The following ATP2C2 variants were observed in gnomAD, a reference collection of about 807,000 sequenced individuals.
ATP2C2 encodes the protein ATPase secretory pathway Ca2+ transporting 2, also known as calcium-transporting ATPase type 2C member 2.
ATP2C2 carries 171 observed loss-of-function variants against 110.8 expected under a neutral mutation model. That is an observed-to-expected ratio of 1.54 (90% CI 1.36 to 1.75). The LOEUF is 1.75. ATP2C2 is among the 40% of genes most tolerant of loss of function. The pLI is 0.00. For synonymous variants in ATP2C2, 804 were observed against 508.4 expected, an observed-to-expected ratio of 1.58 and a Z score of -7.82; for missense variants, 1,963 against 1,235.0, an observed-to-expected ratio of 1.59 and a Z score of -8.84.
chr16:84,417,447 C>A (rs1029390871), intron 7 of ATP2C2, among the ~76,000 whole-genome samples: 1 of 152,168 alleles, frequency 6.6e-6, no homozygotes, highest in Non-Finnish European at 1.5e-5. Flanking sequence ...TTAGCACATG[C>A]CTTTTGTGGG....
rs1424939713 is a variant in ATP2C2, at chr16:84,405,122, T to C, written c.211-6T>C. 6.2e-7 allele frequency: 1 copy of C among 1,612,636 alleles called. No individual in the cohort carries two copies. Among genetic ancestry groups the C allele is most frequent in the African/African-American group, 1.3e-5 (1 of 74,792 alleles). On this transcript the variant is annotated splice_polypyrimidine_tract_variant and splice_region_variant and intron_variant, in intron 2 of 26. Coordinates refer to ENST00000262429, the MANE Select transcript of ATP2C2 (RefSeq NM_014861.4). ...GAGTGAGCTTGTGCCTGACCTCTCC[T>C]TCCAGGTGGACTTACACACTGGGCT...
intron 1 of ATP2C2, among the ~76,000 whole-genome samples, chr16:84,392,000 G>C (rs1466455984): frequency 6.7e-6 from 1 of 150,280 alleles, no homozygotes; most frequent in Non-Finnish European, 1.5e-5. Context: ...ACATATCAGT[G>C]ACGTCTCCTT....
Position 84,459,306 on chromosome 16 carries a change from C to T in ATP2C2, c.2253C>T (p.Thr751=), listed in dbSNP as rs371639847. The change falls in exon 23 of 27, where the codon ACC becomes ACT. Residue 751 remains threonine, a synonymous_variant. Transcript: ENST00000262429. The part of the protein sequence containing the change: ...ISALSLITLS[T]VFNLPSPLNA... ...CCCTGAGTCTCATCACTCTGTCCACCGTGTTCAACCTGCCCAGCCCCCTCA... is the reference window on the plus strand; with the variant it reads ...CCCTGAGTCTCATCACTCTGTCCACTGTGTTCAACCTGCCCAGCCCCCTCA... The T allele has an allele frequency of 3.5e-5, 56 of 1,614,090 alleles. No individual in the cohort carries two copies. The highest frequency in any genetic ancestry group is 2.1e-4 in the African/African-American group (16 of 74,934).
intron 1 of ATP2C2, among the ~76,000 whole-genome samples, chr16:84,376,897 TGA>T (rs1237617014): frequency 6.6e-6 from 1 of 152,244 alleles, no homozygotes; most frequent in African/African-American, 2.4e-5. Flanking sequence ...CTGGCCCTGC[TGA>T]AGGGTTCTTG....
rs941567635 is a variant in ATP2C2 at position 84,452,848 on chromosome 16, T to C, written c.1832-290T>C. ...GTCTCAGCCTGGTGCTGGGAAAAGGTTCACGGGCTTTGGAATCAGAGCCGT... is the reference window on the plus strand; with the variant it reads ...GTCTCAGCCTGGTGCTGGGAAAAGGCTCACGGGCTTTGGAATCAGAGCCGT... On this transcript the variant is annotated intron_variant, in intron 18 of 26. Coordinates refer to ENST00000262429, the MANE Select transcript of ATP2C2 (RefSeq NM_014861.4). 3.3e-5 allele frequency among the ~76,000 whole-genome samples: 5 copies of C among 152,122 alleles called. No homozygotes were observed. In the East Asian group the frequency reaches 5.8e-4, roughly 18 times the overall value.
intron 18 of ATP2C2, 85 bp downstream of exon 18, chr16:84,452,176 C>A: frequency 6.5e-7 from 1 of 1,536,140 alleles, no homozygotes; most frequent in Non-Finnish European, 8.9e-7. Context: ...GAAGCCTCCG[C>A]AAACTCGGTC....
chr16:84,442,530 T>C lies in ATP2C2; in HGVS notation c.1332T>C (p.Asn444=), dbSNP rs1328721347. 4.3e-6 allele frequency: 7 copies of C among 1,613,898 alleles called. No individual in the cohort carries two copies. The Admixed American group carries it at 1.2e-4, about 27-fold the overall frequency. ...KLVEAGCVAN[N]AVIRKNAVMG... is the part of the protein sequence containing the mutation. ...TTTAGGCGGGCTGTGTTGCCAACAA[T>C]GCGGTCATCAGAAAGAACGCCGTGA... Residue 444 remains asparagine, a synonymous_variant, in exon 15 of 27, where the codon AAT becomes AAC. Transcript: ENST00000262429.
chr16:84,406,258 C>G (rs1043908836), intron 3 of ATP2C2, among the ~76,000 whole-genome samples: 10 of 152,222 alleles, frequency 6.6e-5, no homozygotes, highest in African/African-American at 2.2e-4. Flanking sequence ...ATTGACATGG[C>G]TCCAAGTTCC....
intron 4 of ATP2C2, among the ~76,000 whole-genome samples, chr16:84,409,592 C>G (rs925312278): frequency 6.6e-6 from 1 of 152,136 alleles, no homozygotes; most frequent in Non-Finnish European, 1.5e-5. Context: ...TCAGTACAAC[C>G]TCTGCTTCTC....
At position 84,463,648 on chromosome 16, in the gene ATP2C2, C is replaced by G; in HGVS notation, c.2757C>G (p.Val919=). 6.2e-7 allele frequency: 1 copy of G among 1,614,226 alleles called. No homozygotes were observed. Among genetic ancestry groups the G allele is most frequent in the Non-Finnish European group, 8.5e-7 (1 of 1,180,038 alleles). The change falls in exon 27 of 27, where the codon GTC becomes GTG. Residue 919 remains valine (V), a synonymous_variant. Transcript: ENST00000262429. ...LLFLTGLASS[V]FILSELLKLC... is the part of the protein sequence containing the mutation. ...TTTTAACTGGATTGGCCTCATCCGT[C>G]TTCATTTTGTCAGAGCTCCTCAAAC...
intron 1 of ATP2C2, among the ~76,000 whole-genome samples, chr16:84,380,490 G>A (rs539641351): frequency 9.9e-5 from 15 of 152,110 alleles, no homozygotes; most frequent in Non-Finnish European, 1.5e-4. Flanking sequence ...ATTTTCCCCC[G>A]TGACTTGGGG....
intron 10 of ATP2C2, among the ~76,000 whole-genome samples, chr16:84,424,741 C>G (rs1017304077): frequency 1.3e-5 from 2 of 152,100 alleles, no homozygotes; most frequent in African/African-American, 4.8e-5. Flanking sequence ...TGCCAATTCC[C>G]ATGGTGCAAA....
intron 1 of ATP2C2, among the ~76,000 whole-genome samples, chr16:84,388,022 T>C (rs141908171): frequency 2.0e-5 from 3 of 152,098 alleles, no homozygotes; most frequent in African/African-American, 7.2e-5. Flanking sequence ...AGGTGTGTTT[T>C]TGTAAGAACC....
At chr16:84,407,676 T>A (rs1724765045) in intron 3 of ATP2C2, among the ~76,000 whole-genome samples, 1 of 152,070 alleles carries the variant, frequency 6.6e-6, no homozygotes, top group Non-Finnish European at 1.5e-5. Flanking sequence ...TTTGCTGTGT[T>A]TCCCAGGCTG....
At chr16:84,420,966 C>G (rs139006197) in intron 7 of ATP2C2, among the ~76,000 whole-genome samples, 2,553 of 152,164 alleles carry the variant, frequency 0.017, 71 homozygotes, top group African/African-American at 0.059. Flanking sequence ...CCCCCATACC[C>G]GGCTAATTCT....
At chr16:84,422,606 A>G (rs1194594981) in intron 8 of ATP2C2, 23 bp from the exon 9 acceptor site, 1 of 1,611,124 alleles carries the variant, frequency 6.2e-7, no homozygotes, top group Non-Finnish European at 8.5e-7. Context: ...TAGATTTCAT[A>G]CTTCTCTCTC....
chr16:84,440,437 A>T (rs4782627), intron 13 of ATP2C2, among the ~76,000 whole-genome samples: 1 of 152,056 alleles, frequency 6.6e-6, no homozygotes, highest in East Asian at 1.9e-4. Flanking sequence ...GTACCACCAC[A>T]CCCATTTGTG....
In ATP2C2 at chr16:84,377,727, G is replaced by A. The variant is rs565331809; in HGVS notation, c.99+9013G>A. On this transcript the variant is annotated intron_variant, in intron 1 of 26. Transcript: ENST00000262429. ...TGTGGGGTTTAGGGCTTTAGCCTGG[G>A]AATGGTGGGGGGGTTGGACAACTCA... 9.9e-5 allele frequency among the ~76,000 whole-genome samples: 15 copies of A among 152,184 alleles called. No individual in the cohort carries two copies. The East Asian group carries it at 2.9e-3, about 29-fold the overall frequency.
At chr16:84,427,670 T>C (rs1291014869) in intron 11 of ATP2C2, among the ~76,000 whole-genome samples, 1 of 152,118 alleles carries the variant, frequency 6.6e-6, no homozygotes, top group Non-Finnish European at 1.5e-5. Context: ...TGAGCCGAGA[T>C]TGCGCCACTG....
Sources: gnomAD v4.1 joint callset for allele counts (sites outside exome capture counted in the v4.1 genomes callset) on GRCh38, gnomAD v4.1.1 for gene constraint, MANE v1.5 for transcripts, NCBI Gene and HGNC (gene_info 2026-07-23, HGNC 2026-07-21) for gene names.